Variants in FAT1 observed in about 807,000 individuals in gnomAD.
FAT1 encodes the protein protocadherin Fat 1.
A neutral mutation model predicts 329.8 loss-of-function variants in FAT1; 171 were observed. The ratio of observed to expected loss-of-function variants is 0.52; its 90% CI spans 0.46 to 0.59. The LOEUF (loss-of-function observed/expected upper bound fraction) is 0.59. Ranked by LOEUF, FAT1 falls within the 20% of genes least tolerant of loss-of-function variation. FAT1 has a pLI of 0.00. For synonymous variants in FAT1, 2,233 were observed against 2,228.6 expected, an observed-to-expected ratio of 1.00 and a Z score of -0.06; for missense variants, 5,672 against 5,774.4, an observed-to-expected ratio of 0.98 and a Z score of 0.57.
Position 186,709,381 on chromosome 4 carries a change from G to A in FAT1, c.447C>T (p.Phe149=), listed in dbSNP as rs568284292. ...AAGAAACGCTGTATGAGGTGGGTGAGAATAACGGTCTCAAGTCATTTGTAT... is the reference window on the plus strand; with the variant it reads ...AAGAAACGCTGTATGAGGTGGGTGAAAATAACGGTCTCAAGTCATTTGTAT... The part of the protein sequence containing the change: ...VLDTNDLRPL[F]SPTSYSVSLP... Residue 149 remains phenylalanine, a synonymous_variant, in exon 2 of 27, where the codon TTC becomes TTT. Transcript: ENST00000441802. 6.2e-7 allele frequency: 1 copy of A among 1,613,912 alleles called. No individual in the cohort carries two copies. Among genetic ancestry groups the A allele is most frequent in the South Asian group, 1.1e-5 (1 of 91,066 alleles).
In FAT1 at chr4:186,621,771, A is replaced by G. The variant is rs772801154; in HGVS notation, c.4815T>C (p.Asn1605=). Residue 1605 remains asparagine (N), a synonymous_variant, in exon 10 of 27, where the codon AAT becomes AAC. Coordinates refer to ENST00000441802, the MANE Select transcript of FAT1 (RefSeq NM_005245.4). ...AEVLYSIESG[N]IGNSFMIDPV... ...GATCAATCATAAAAGAATTTCCAATATTTCCTGGAAGGAGAGGAAAAAATA... is the reference window on the plus strand; with the variant it reads ...GATCAATCATAAAAGAATTTCCAATGTTTCCTGGAAGGAGAGGAAAAAATA... The G allele has an allele frequency of 1.3e-6, 2 of 1,552,234 alleles. No individual in the cohort carries two copies. Among genetic ancestry groups the G allele is most frequent in the Non-Finnish European group, 1.7e-6 (2 of 1,150,678 alleles).
chr4:186,640,050 C>T (rs751021750), intron 3 of FAT1, among the ~76,000 whole-genome samples: 4 of 152,052 alleles, frequency 2.6e-5, no homozygotes, highest in Admixed American at 6.5e-5. Context: ...AGGAGAATTG[C>T]TTGAACCTGG....
chr4:186,650,299 GTATAT>G (rs1371010021), intron 3 of FAT1, among the ~76,000 whole-genome samples: 6 of 152,200 alleles, frequency 3.9e-5, no homozygotes, highest in East Asian at 1.9e-4. Flanking sequence ...TCAGTTCTGA[GTATAT>G]TATTTCTCAT....
chr4:186,589,933 A>G (rs1054701467), intron 26 of FAT1, among the ~76,000 whole-genome samples: 6 of 152,194 alleles, frequency 3.9e-5, no homozygotes, highest in Non-Finnish European at 8.8e-5. Flanking sequence ...TAAAATTACT[A>G]TTTTTCATTA....
chr4:186,681,462 GCTA>G (rs1422783220), intron 2 of FAT1, among the ~76,000 whole-genome samples: 1 of 152,094 alleles, frequency 6.6e-6, no homozygotes, highest in Non-Finnish European at 1.5e-5. Context: ...ACAGAAACTG[GCTA>G]CTAACAGAAA....
Position 186,609,232 on chromosome 4 carries a change from T to A in FAT1, c.10157A>T (p.Asp3386Val), listed in dbSNP as rs756716691. ...CACTTTGACTTCTCCCCTGACGGGG[T>A]CAATTGTGAACGAGCTTCCTTGGTT... ...DGNQGSSFTI[D>V]PVRGEVKVTK... is the part of the protein sequence containing the mutation. The change falls in exon 16 of 27, where the codon GAC becomes GTC. Residue 3386 changes from aspartate to valine, a missense_variant. By Grantham distance (152) the Asp-to-Val change is radical. Coordinates refer to ENST00000441802, the MANE Select transcript of FAT1 (RefSeq NM_005245.4). 6 of 1,613,978 alleles carry A rather than the reference T, an allele frequency of 3.7e-6. No homozygotes were observed. In the South Asian group the frequency reaches 6.6e-5, roughly 18 times the overall value.
chr4:186,613,262 C>T lies in FAT1; in HGVS notation c.9310G>A (p.Gly3104Arg), dbSNP rs749462053. Residue 3104 changes from glycine to arginine, a missense_variant, in exon 13 of 27, where the codon GGA becomes AGA. Coordinates refer to ENST00000441802, the MANE Select transcript of FAT1 (RefSeq NM_005245.4). ...HLLVRATDGG[G>R]RFCQASIVLT... ...ACAATACTGGCTTGGCAGAATCTTC[C>T]TCCTCCATCTGTGGCCCTGACGAGA... 1.2e-6 allele frequency: 2 copies of T among 1,613,936 alleles called. No individual in the cohort carries two copies. Among genetic ancestry groups the T allele is most frequent in the South Asian group, 1.1e-5 (1 of 91,078 alleles).
intron 2 of FAT1, among the ~76,000 whole-genome samples, chr4:186,684,211 C>G (rs1391214459): frequency 6.6e-6 from 1 of 152,174 alleles, no homozygotes; most frequent in Non-Finnish European, 1.5e-5. Flanking sequence ...TCATTATGAA[C>G]TATGGGTATT....
Position 186,639,709 on chromosome 4 carries a change from A to C in FAT1, c.3642+13T>G, listed in dbSNP as rs1741006707. On this transcript the variant is annotated intron_variant, in intron 4 of 26. Coordinates refer to ENST00000441802, the MANE Select transcript of FAT1 (RefSeq NM_005245.4). ...ACGAATCTTTAAGTATTAAAGATAAAAAAAAAACTTACCTCTAATATGTGT... is the reference window on the plus strand; with the variant it reads ...ACGAATCTTTAAGTATTAAAGATAACAAAAAAACTTACCTCTAATATGTGT... The C allele has an allele frequency of 6.3e-7, 1 of 1,594,146 alleles. No homozygotes were observed.
intron 2 of FAT1, among the ~76,000 whole-genome samples, chr4:186,675,305 GA>G (rs34225137): frequency 0.16 from 23,331 of 143,500 alleles, 2,160 homozygotes; most frequent in East Asian, 0.48. Context: ...ATCTCATTAA[GA>G]AAAAAAAAAA....
intron 3 of FAT1, among the ~76,000 whole-genome samples, chr4:186,651,488 C>G (rs1741655992): frequency 6.6e-6 from 1 of 152,144 alleles, no homozygotes; most frequent in South Asian, 2.1e-4. Flanking sequence ...AAGGGAAAAT[C>G]CTTCAAATGT....
At chr4:186,623,660 C>T (rs1740154544) in intron 9 of FAT1, among the ~76,000 whole-genome samples, 1 of 152,224 alleles carries the variant, frequency 6.6e-6, no homozygotes, top group African/African-American at 2.4e-5. Context: ...TTCTGCAAAA[C>T]TTGCTCCCTG....
intron 2 of FAT1, among the ~76,000 whole-genome samples, chr4:186,696,028 T>A (rs900375148): frequency 6.6e-6 from 1 of 152,220 alleles, no homozygotes; most frequent in Non-Finnish European, 1.5e-5. Flanking sequence ...TGACCTCAGA[T>A]GATCCGCCCG....
rs375087606 is a variant in FAT1, at chr4:186,600,230, C to A, written c.11771G>T (p.Arg3924Leu). The A allele has an allele frequency of 4.0e-5, 64 of 1,614,028 alleles. No individual in the cohort carries two copies. The African/African-American group carries it at 5.7e-4, about 14-fold the overall frequency. Residue 3924 changes from arginine (R) to leucine (L), a missense_variant, in exon 22 of 27, where the codon CGC (arginine) becomes CTC (leucine). Arg to Leu is a moderately radical substitution (Grantham distance 102). Transcript: ENST00000441802. ...AGTATGAACTTGGTCTAGAACCAAG[C>A]GAGCATAGTTTCCATTCACTTCCAG... Reference protein sequence around the residue: ...VALEVNGNYARLVLDQVHTAS... With the variant: ...VALEVNGNYALLVLDQVHTAS...
chr4:186,700,132 G>A (rs752400139), intron 2 of FAT1, among the ~76,000 whole-genome samples: 1 of 152,154 alleles, frequency 6.6e-6, no homozygotes, highest in Non-Finnish European at 1.5e-5. Context: ...GCAAGAGAAC[G>A]ATGGCCTCAT....
chr4:186,706,444 T>G (rs1185938100), intron 2 of FAT1, 119 bp downstream of exon 2: 37 of 1,100,352 alleles, frequency 3.4e-5, no homozygotes, highest in Non-Finnish European at 6.5e-6. Flanking sequence ...TCACACGCAC[T>G]TCTATACCGA....
In FAT1 at chr4:186,613,105, A is replaced by C. The variant is rs774320674; in HGVS notation, c.9463+4T>G. The stretch of plus-strand genomic sequence containing the variant: ...CGTCAGGCAAGAGCATTCCCGGGAG[A>C]TACCTGCGTCGGCATCTGTGGCCTG... On this transcript the variant is annotated splice_donor_region_variant and intron_variant, in intron 13 of 26. Coordinates refer to ENST00000441802, the MANE Select transcript of FAT1 (RefSeq NM_005245.4). 1 of 1,601,220 alleles carries C rather than the reference A, an allele frequency of 6.2e-7. No homozygotes were observed. Among genetic ancestry groups the C allele is most frequent in the Non-Finnish European group, 8.5e-7 (1 of 1,174,312 alleles).
At chr4:186,636,270 A>G in intron 5 of FAT1, 35 bp from the exon 6 acceptor site, 1 of 1,586,198 alleles carries the variant, frequency 6.3e-7, no homozygotes, top group Non-Finnish European at 8.7e-7. Flanking sequence ...TAAAAACAGC[A>G]AATCAGGAGT....
In FAT1 at chr4:186,603,322, T is replaced by C; in HGVS notation, c.11204A>G (p.Gln3735Arg). 6.2e-7 allele frequency: 1 copy of C among 1,614,038 alleles called. No individual in the cohort carries two copies. The part of the protein sequence containing the change: ...IIGVRILNVF[Q>R]KLCAGLDCPW... ...GCAGTCCAGTCCCGCGCAGAGTTTC[T>C]GGAATACATTCAGTATCCTAACTCC... The change falls in exon 19 of 27, where the codon CAG (glutamine) becomes CGG (arginine). Residue 3735 changes from glutamine (Q) to arginine (R), a missense_variant. This residue lies in a region of FAT1 where 1,706 missense variants were observed against 1,859.1 expected (regional missense o/e 0.92). Transcript: ENST00000441802.
Sources: gnomAD v4.1 joint callset for allele counts (sites outside exome capture counted in the v4.1 genomes callset) on GRCh38, gnomAD v4.1.1 for gene constraint, gnomAD v4.1.1 regional missense constraint, MANE v1.5 for transcripts, NCBI Gene and HGNC (gene_info 2026-07-23, HGNC 2026-07-21) for gene names.